The following SYNJ2BP variants were observed in gnomAD, a reference collection of about 807,000 sequenced individuals.
The protein encoded by SYNJ2BP is synaptojanin 2 binding protein.
In SYNJ2BP, 10 loss-of-function variants were observed where a neutral mutation model predicts 16.9. That is an observed-to-expected ratio of 0.59 (90% CI 0.36 to 1.00). The LOEUF (loss-of-function observed/expected upper bound fraction) is 1.00, where lower values mean the gene tolerates loss of function less well. SYNJ2BP is among the 50% of genes least tolerant of loss of function. SYNJ2BP has a pLI of 0.01. For missense variants in SYNJ2BP, 162 were observed against 186.7 expected, an observed-to-expected ratio of 0.87 and a Z score of 0.77; for synonymous variants, 54 against 68.4, an observed-to-expected ratio of 0.79 and a Z score of 1.04.
chr14:70,398,041 C>T (rs370020182), intron 1 of SYNJ2BP, among the ~76,000 whole-genome samples: 547 of 49,432 alleles, frequency 0.011, no homozygotes, highest in South Asian at 0.023. Context: ...GTTCAACTCT[C>T]AGCAGAGAGG....
rs1368481089 is a variant in SYNJ2BP at position 70,366,673 on chromosome 14, TAC to T, written c.*6316_*6317del. ...GTAGTGACATTCCCTGGATAATAAATACAGTTTTATGTCCGTGTGTCTTCTGT... is the reference window on the plus strand; with the variant it reads ...GTAGTGACATTCCCTGGATAATAAATAGTTTTATGTCCGTGTGTCTTCTGT... On this transcript the variant is annotated 3_prime_UTR_variant, in exon 4 of 4. Coordinates refer to ENST00000256366, the MANE Select transcript of SYNJ2BP (RefSeq NM_018373.3). 6.6e-6 allele frequency: 1 copy of T among 152,206 alleles called. No individual in the cohort carries two copies. The highest frequency in any genetic ancestry group is 1.9e-4 in the East Asian group (1 of 5,194). 9.4% of individuals were successfully genotyped at this position (152,206 alleles called of 1,614,324 possible).
At chr14:70,403,573 A>G (rs1254035270) in intron 1 of SYNJ2BP, among the ~76,000 whole-genome samples, 1 of 152,054 alleles carries the variant, frequency 6.6e-6, no homozygotes, top group African/African-American at 2.4e-5. Context: ...TCACTGCTAC[A>G]CTCCCACCAG....
At chr14:70,376,702 T>C (rs11624706) in intron 2 of SYNJ2BP, among the ~76,000 whole-genome samples, 11,384 of 152,302 alleles carry the variant, frequency 0.075, 488 homozygotes, top group Middle Eastern at 0.12. Flanking sequence ...TTTTATCTCG[T>C]TTCCACAGAT....
In SYNJ2BP at chr14:70,366,905, T is replaced by TAA. The variant is rs1887399691; in HGVS notation, c.*6084_*6085dup. ...AATAAGAAGCCCAGATTACTGCAGA[T>TAA]AAAAGATTAAAATAGGATTCAATTA... On this transcript the variant is annotated 3_prime_UTR_variant, in exon 4 of 4. Coordinates refer to ENST00000256366, the MANE Select transcript of SYNJ2BP (RefSeq NM_018373.3). 1.3e-5 allele frequency: 2 copies of TAA among 152,200 alleles called. No individual in the cohort carries two copies. The highest frequency in any genetic ancestry group is 2.9e-5 in the Non-Finnish European group (2 of 68,024). 9.4% of individuals were successfully genotyped at this position (152,200 alleles called of 1,614,324 possible).
rs1239468923 is a variant in SYNJ2BP, at chr14:70,416,996, C to G, written c.-33G>C. 6.2e-7 allele frequency: 1 copy of G among 1,613,956 alleles called. No homozygotes were observed. Among genetic ancestry groups the G allele is most frequent in the East Asian group, 2.2e-5 (1 of 44,882 alleles). On this transcript the variant is annotated 5_prime_UTR_variant, in exon 1 of 4. Coordinates refer to ENST00000256366, the MANE Select transcript of SYNJ2BP (RefSeq NM_018373.3). ...AGCTCGTCTGGCTTCCTACTTGGGT[C>G]AGCTGGAGTGCAGCACAGGTGAAGG...
chr14:70,394,173 TAACAC>T (rs1377169807), intron 1 of SYNJ2BP, among the ~76,000 whole-genome samples: 3 of 152,160 alleles, frequency 2.0e-5, no homozygotes, highest in Non-Finnish European at 4.4e-5. Context: ...TTCATATTCA[TAACAC>T]AACACCTCCC....
At chr14:70,413,597 C>A (rs1888537186) in intron 1 of SYNJ2BP, among the ~76,000 whole-genome samples, 1 of 152,216 alleles carries the variant, frequency 6.6e-6, no homozygotes, top group Non-Finnish European at 1.5e-5. Context: ...CAAGATCGTG[C>A]CACTGCACTC....
chr14:70,402,940 T>G (rs1463666334), intron 1 of SYNJ2BP, among the ~76,000 whole-genome samples: 1 of 152,182 alleles, frequency 6.6e-6, no homozygotes, highest in Non-Finnish European at 1.5e-5. Flanking sequence ...AGCTAGAAAT[T>G]TTTACAATGG....
At chr14:70,404,149 A>T (rs1310409758) in intron 1 of SYNJ2BP, among the ~76,000 whole-genome samples, 1 of 150,010 alleles carries the variant, frequency 6.7e-6, no homozygotes, top group Non-Finnish European at 1.5e-5. Context: ...AACTGGCAAG[A>T]TCCTGTCTCT....
intron 2 of SYNJ2BP, among the ~76,000 whole-genome samples, chr14:70,381,510 A>G (rs1267437721): frequency 6.6e-6 from 1 of 152,182 alleles, no homozygotes; most frequent in African/African-American, 2.4e-5. Flanking sequence ...GCTCTCCAAT[A>G]CTGACATCCT....
chr14:70,370,591 T>C lies in SYNJ2BP; in HGVS notation c.*2400A>G, dbSNP rs1887498022. Reference sequence around the variant, plus strand: ...ATTTTCAAAAGCCTTCCCTTTCCAATTGAGCCTGATGCCATTATGTGACAT... The same window carrying C: ...ATTTTCAAAAGCCTTCCCTTTCCAACTGAGCCTGATGCCATTATGTGACAT... On this transcript the variant is annotated 3_prime_UTR_variant, in exon 4 of 4. Transcript: ENST00000256366. 6.6e-6 allele frequency: 1 copy of C among 152,202 alleles called. No individual in the cohort carries two copies. The highest frequency in any genetic ancestry group is 1.5e-5 in the Non-Finnish European group (1 of 68,036). 9.4% of individuals were successfully genotyped at this position (152,202 alleles called of 1,614,324 possible). A position where few individuals can be genotyped will look rare whatever the true frequency, so the allele number is the denominator to read the frequency against.
At chr14:70,375,386 G>A (rs1413688331) in intron 3 of SYNJ2BP, among the ~76,000 whole-genome samples, 1 of 151,636 alleles carries the variant, frequency 6.6e-6, no homozygotes, top group South Asian at 2.1e-4. Flanking sequence ...TTTTAGTAGA[G>A]ATGAGGTTTT....
chr14:70,377,985 T>C (rs907437016), intron 2 of SYNJ2BP, among the ~76,000 whole-genome samples: 3 of 152,212 alleles, frequency 2.0e-5, no homozygotes, highest in Admixed American at 2.0e-4. Context: ...GGGAAGAACA[T>C]GTTTTTCTAA....
chr14:70,380,531 G>A (rs916669180), intron 2 of SYNJ2BP, among the ~76,000 whole-genome samples: 37 of 151,676 alleles, frequency 2.4e-4, no homozygotes, highest in African/African-American at 6.8e-4. Flanking sequence ...GCGTGGTGGC[G>A]CACACCTGTA....
intron 2 of SYNJ2BP, among the ~76,000 whole-genome samples, chr14:70,377,702 C>G (rs1438776546): frequency 7.6e-6 from 1 of 130,800 alleles, no homozygotes; most frequent in East Asian, 2.3e-4. Flanking sequence ...CTTGATCATA[C>G]TTCTTCTAAC....
In SYNJ2BP at chr14:70,392,059, T is replaced by C. The variant is rs373125225; in HGVS notation, c.65-3453A>G. Among the ~76,000 whole-genome samples the C allele has an allele frequency of 2.6e-5, 4 of 152,326 alleles. No individual in the cohort carries two copies. The East Asian group carries it at 5.8e-4, about 22-fold the overall frequency. On this transcript the variant is annotated intron_variant, in intron 1 of 3. Transcript: ENST00000256366. ...CCCAGTTCACTTGCTCAGTAAAAATTACTGATTGAATCTTATGTGTAAGAT... is the reference window on the plus strand; with the variant it reads ...CCCAGTTCACTTGCTCAGTAAAAATCACTGATTGAATCTTATGTGTAAGAT...
At chr14:70,416,631 CT>C (rs1483659121) in intron 1 of SYNJ2BP, among the ~76,000 whole-genome samples, 1 of 152,128 alleles carries the variant, frequency 6.6e-6, no homozygotes, top group Non-Finnish European at 1.5e-5. Context: ...TTTAAAAAGG[CT>C]TTTCTAGCAC....
intron 1 of SYNJ2BP, among the ~76,000 whole-genome samples, chr14:70,390,186 T>TA (rs11453709): frequency 0.49 from 74,862 of 151,808 alleles, 20,241 homozygotes; most frequent in Non-Finnish European, 0.6. Flanking sequence ...TACCTATGCA[T>TA]AAAAAAATAA....
intron 1 of SYNJ2BP, among the ~76,000 whole-genome samples, chr14:70,407,446 A>T (rs1871084074): frequency 6.8e-6 from 1 of 147,084 alleles, no homozygotes; most frequent in African/African-American, 2.5e-5. Flanking sequence ...AAAAAAAAAA[A>T]TGGCAAAAAC....
Sources: allele counts gnomAD v4.1 joint callset (sites outside exome capture counted in the v4.1 genomes callset), GRCh38; gene constraint gnomAD v4.1.1; transcripts MANE v1.5; gene names NCBI Gene and HGNC (gene_info 2026-07-23, HGNC 2026-07-21).